The following SULF2 variants were observed in gnomAD, a reference collection of about 807,000 sequenced individuals.
SULF2 encodes extracellular sulfatase Sulf-2.
SULF2 carries 52 observed loss-of-function variants against 107.7 expected under a neutral mutation model. The ratio of observed to expected loss-of-function variants is 0.48; its 90% CI spans 0.39 to 0.61. The LOEUF (loss-of-function observed/expected upper bound fraction) is 0.61. Ranked by LOEUF, SULF2 falls within the 20% of genes least tolerant of loss-of-function variation. The pLI is 0.00. For synonymous variants in SULF2, 460 were observed against 464.3 expected (o/e 0.99, Z 0.12); for missense variants, 993 against 1,177.3 (o/e 0.84, Z 2.29).
intron 3 of SULF2, among the ~76,000 whole-genome samples, chr20:47,735,138 G>T (rs552118375): frequency 2.0e-5 from 3 of 152,218 alleles, no homozygotes; most frequent in Admixed American, 6.5e-5. Context: ...CTCTGGGCAG[G>T]TCTCTTTTTT....
chr20:47,758,882 G>A (rs2090356406), intron 1 of SULF2, among the ~76,000 whole-genome samples: 1 of 152,162 alleles, frequency 6.6e-6, no homozygotes, highest in African/African-American at 2.4e-5. Flanking sequence ...CCCTTCATGG[G>A]GAACCCCAGC....
In SULF2 at chr20:47,680,745, G is replaced by T. The variant is rs1276639040; in HGVS notation, c.1065-1941C>A. Among the ~76,000 whole-genome samples, 1 of 152,200 alleles carries T rather than the reference G, an allele frequency of 6.6e-6. No homozygotes were observed. The highest frequency in any genetic ancestry group is 1.5e-5 in the Non-Finnish European group (1 of 68,028). ...GAGCTGGGAAGACTGCTGAGCGACG[G>T]GCGCTCTGCAGAACCCAGCAACCGG... is the stretch of plus-strand genomic sequence containing the variant. On this transcript the variant is annotated intron_variant, in intron 7 of 20. Transcript: ENST00000688720. The surrounding 1 kb of genome is among the most constrained non-coding windows in gnomAD (Gnocchi z 4.2).
intron 5 of SULF2, among the ~76,000 whole-genome samples, chr20:47,687,089 T>C (rs968023505): frequency 6.6e-6 from 1 of 152,116 alleles, no homozygotes; most frequent in Admixed American, 6.5e-5. Flanking sequence ...GATTCCAGGA[T>C]GCAATTTTCA....
At chr20:47,729,601 T>G (rs2146745251) in intron 3 of SULF2, among the ~76,000 whole-genome samples, 1 of 151,234 alleles carries the variant, frequency 6.6e-6, no homozygotes, top group South Asian at 2.1e-4. Flanking sequence ...AAAAAAAAAA[T>G]CAAGAATGGT....
intron 15 of SULF2, among the ~76,000 whole-genome samples, 162 bp from the exon 16 acceptor site, chr20:47,663,784 G>A (rs559350719): frequency 6.6e-6 from 1 of 152,328 alleles, no homozygotes; most frequent in South Asian, 2.1e-4. Context: ...CTCCAAGGCA[G>A]AGCCGGGACC....
chr20:47,664,314 G>A, intron 14 of SULF2, 125 bp from the exon 15 acceptor site: 1 of 926,034 alleles, frequency 1.1e-6, no homozygotes, highest in South Asian at 1.5e-5. Context: ...CTCCTTCTGG[G>A]GTGGTGGTGG....
At chr20:47,684,303 G>T in intron 6 of SULF2, 128 bp downstream of exon 6, 1 of 1,010,158 alleles carries the variant, frequency 9.9e-7, no homozygotes, top group East Asian at 2.8e-5. Flanking sequence ...TCTAGCACAT[G>T]GGGCCTCTTC....
At chr20:47,692,319 AC>A (rs2088224944) in intron 4 of SULF2, among the ~76,000 whole-genome samples, 1 of 152,210 alleles carries the variant, frequency 6.6e-6, no homozygotes, top group Non-Finnish European at 1.5e-5. Context: ...ATCCATATGC[AC>A]AAGAATGGCC....
chr20:47,774,226 G>A (rs538794510), intron 1 of SULF2, among the ~76,000 whole-genome samples: 1 of 152,304 alleles, frequency 6.6e-6, no homozygotes, highest in East Asian at 1.9e-4. Flanking sequence ...GAAATAGACC[G>A]GCAAGTGGGA....
intron 1 of SULF2, among the ~76,000 whole-genome samples, chr20:47,762,388 GTC>G (rs1245100080): frequency 6.6e-6 from 1 of 152,188 alleles, no homozygotes; most frequent in Non-Finnish European, 1.5e-5. Context: ...GCACACTCCA[GTC>G]TCTGCTCTGA....
intron 2 of SULF2, among the ~76,000 whole-genome samples, chr20:47,739,841 C>T (rs1041263021): frequency 6.6e-6 from 1 of 152,290 alleles, no homozygotes; most frequent in South Asian, 2.1e-4. Context: ...GAATCCAAAC[C>T]AGTTGGTGTC....
intron 7 of SULF2, among the ~76,000 whole-genome samples, chr20:47,682,373 G>T (rs1568808453): frequency 6.6e-6 from 1 of 152,212 alleles, no homozygotes; most frequent in African/African-American, 2.4e-5. Context: ...CCTCATTTGA[G>T]CCAGCCTCCA....
chr20:47,765,550 A>G (rs565672762), intron 1 of SULF2, among the ~76,000 whole-genome samples: 2 of 152,288 alleles, frequency 1.3e-5, no homozygotes, highest in East Asian at 3.9e-4. Flanking sequence ...GCCAGAGCCC[A>G]GCAACAGACC....
At chr20:47,684,276 C>G in intron 6 of SULF2, 155 bp downstream of exon 6, 5 of 751,560 alleles carry the variant, frequency 6.7e-6, no homozygotes, top group South Asian at 4.3e-5. Flanking sequence ...CTGGATTGCT[C>G]CAAGCTGTTC....
chr20:47,717,901 G>A (rs1021712476), intron 3 of SULF2, among the ~76,000 whole-genome samples: 15 of 148,668 alleles, frequency 1.0e-4, no homozygotes, highest in South Asian at 4.3e-4. Flanking sequence ...GCAAACCTCC[G>A]CCTGCCAGGT....
At chr20:47,735,326 C>T (rs772417408) in intron 3 of SULF2, among the ~76,000 whole-genome samples, 2 of 152,068 alleles carry the variant, frequency 1.3e-5, no homozygotes, top group Non-Finnish European at 2.9e-5. Flanking sequence ...CTTTGGCCCC[C>T]AGTATACATT....
At chr20:47,668,985 C>T (rs1349415776) in intron 11 of SULF2, among the ~76,000 whole-genome samples, 1 of 152,222 alleles carries the variant, frequency 6.6e-6, no homozygotes, top group African/African-American at 2.4e-5. Flanking sequence ...GTACTTTGTT[C>T]TCATTAAATG....
In SULF2 at chr20:47,663,466, C is replaced by T. The variant is rs759894834; in HGVS notation, c.2214G>A (p.Ala738=). Residue 738 remains alanine, a synonymous_variant, in exon 16 of 21, where the codon GCG becomes GCA. Coordinates refer to ENST00000688720, the MANE Select transcript of SULF2 (RefSeq NM_001387048.1). ...GGGCTTGCTCACGTGTCCAGAAAGG[C>T]GCCGTCTGCCAGTGCTGGTTGTCGT... is the stretch of plus-strand genomic sequence containing the variant. ...FTHDNQHWQT[A]PFWTLGPFCA... is the part of the protein sequence containing the mutation. 57 of 1,609,070 alleles carry T rather than the reference C, an allele frequency of 3.5e-5. No individual in the cohort carries two copies. Among genetic ancestry groups the T allele is most frequent in the East Asian group, 2.9e-4 (13 of 44,892 alleles).
At chr20:47,685,025 C>T (rs1039629786) in intron 5 of SULF2, 1 of 154,532 alleles carries the variant, frequency 6.5e-6, no homozygotes, top group South Asian at 2.0e-4. Context: ...TGCCTTGTAC[C>T]TATTATTGGT....
Sources: allele counts gnomAD v4.1 joint callset (sites outside exome capture counted in the v4.1 genomes callset), GRCh38; gene constraint gnomAD v4.1.1; non-coding constraint Gnocchi (gnomAD v3.1); transcripts MANE v1.5; gene names NCBI Gene and HGNC (gene_info 2026-07-23, HGNC 2026-07-21).